Variants in ZNF791 observed in about 807,000 individuals in gnomAD.
ZNF791 encodes the protein zinc finger protein 791.
In ZNF791, 4 loss-of-function variants were observed where a neutral mutation model predicts 11.5. The ratio of observed to expected loss-of-function variants is 0.35; its 90% CI spans 0.17 to 0.80. ZNF791 has a LOEUF of 0.80. ZNF791 is among the 30% of genes least tolerant of loss of function. The pLI is 0.53. For synonymous variants in ZNF791, 212 were observed against 228.1 expected, an observed-to-expected ratio of 0.93 and a Z score of 0.64; for missense variants, 559 against 699.4, an observed-to-expected ratio of 0.80 and a Z score of 2.26.
At chr19:12,623,261 C>T (rs1208212280) in intron 1 of ZNF791, 1 of 159,166 alleles carries the variant, frequency 6.3e-6, no homozygotes, top group Non-Finnish European at 1.4e-5. Context: ...AAATACTTAC[C>T]TAGGTGTAGT....
At chr19:12,613,729 A>T (rs1044607722) in intron 1 of ZNF791, among the ~76,000 whole-genome samples, 1 of 152,158 alleles carries the variant, frequency 6.6e-6, no homozygotes, top group Admixed American at 6.6e-5. Flanking sequence ...TGAAGGCCCA[A>T]TTGGTTCTTC....
rs747648376 is a variant in ZNF791 at position 12,628,472 on chromosome 19, A to C, written c.943A>C (p.Ile315Leu). The change falls in exon 4 of 4, where the codon ATT (isoleucine) becomes CTT (leucine). Residue 315 changes from isoleucine (I) to leucine (L), a missense_variant. Coordinates refer to ENST00000343325, the MANE Select transcript of ZNF791 (RefSeq NM_153358.3). ...CGKAFRCSTS[I>L]QIHERIHTGE... Reference sequence around the variant, plus strand: ...TAAAGCCTTCAGATGTTCCACCTCCATTCAAATTCATGAAAGAATTCATAC... The same window carrying C: ...TAAAGCCTTCAGATGTTCCACCTCCCTTCAAATTCATGAAAGAATTCATAC... 1 of 1,611,960 alleles carries C rather than the reference A, an allele frequency of 6.2e-7. No individual in the cohort carries two copies. Among genetic ancestry groups the C allele is most frequent in the South Asian group, 1.1e-5 (1 of 90,688 alleles).
intron 1 of ZNF791, among the ~76,000 whole-genome samples, chr19:12,612,070 G>A (rs1054643899): frequency 1.3e-5 from 2 of 152,086 alleles, no homozygotes; most frequent in Non-Finnish European, 2.9e-5. Context: ...ATGTTTCTCA[G>A]GTCTGTTCTT....
In ZNF791 at chr19:12,629,312, T is replaced by G; in HGVS notation, c.*52T>G. 3 of 1,368,832 alleles carry G rather than the reference T, an allele frequency of 2.2e-6. No homozygotes were observed. The highest frequency in any genetic ancestry group is 1.9e-6 in the Non-Finnish European group (2 of 1,036,186). The allele number at this position is 1,368,832 out of a possible 1,614,324, so 84.8% of individuals were successfully genotyped here. ...GAAAGTTTTCAATTCTAACAGATGCTTTCAAAGTTGTGAAAATTCCCACTG... is the reference window on the plus strand; with the variant it reads ...GAAAGTTTTCAATTCTAACAGATGCGTTCAAAGTTGTGAAAATTCCCACTG... On this transcript the variant is annotated 3_prime_UTR_variant, in exon 4 of 4. Transcript: ENST00000343325.
At position 12,619,480 on chromosome 19, in the gene ZNF791, CGATT is replaced by C. The variant is rs1295010868; in HGVS notation, c.4-4219_4-4216del. ...TTTTTTTTTTTTTGAGACGGAGTCT[CGATT>C]TGTCTCCCAGGCTGGAGTGCAGTGG... is the stretch of plus-strand genomic sequence containing the variant. On this transcript the variant is annotated intron_variant, in intron 1 of 3. Transcript: ENST00000343325. Among the ~76,000 whole-genome samples the C allele has an allele frequency of 4.2e-3, 501 of 118,642 alleles. 4 individuals are homozygous for C. Among genetic ancestry groups the C allele is most frequent in the Non-Finnish European group, 7.0e-3 (422 of 60,368 alleles). 77.8% of individuals were successfully genotyped at this position (118,642 alleles called of 152,430 possible). A position where few individuals can be genotyped will look rare whatever the true frequency, so the allele number is the denominator to read the frequency against.
At chr19:12,620,754 CTTTTTTTTTTTTTT>C (rs1051381342) in intron 1 of ZNF791, among the ~76,000 whole-genome samples, 1 of 83,446 alleles carries the variant, frequency 1.2e-5, no homozygotes. Flanking sequence ...GATTTATGTT[CTTTTTTTTTTTTTT>C]TTTTTTTTTT....
intron 1 of ZNF791, among the ~76,000 whole-genome samples, chr19:12,615,617 A>T (rs968075150): frequency 6.6e-6 from 1 of 152,034 alleles, no homozygotes; most frequent in African/African-American, 2.4e-5. Flanking sequence ...CGTCTCTACT[A>T]AAAATACAAA....
At position 12,628,627 on chromosome 19, in the gene ZNF791, T is replaced by C; in HGVS notation, c.1098T>C (p.Ser366=). 1 of 1,605,758 alleles carries C rather than the reference T, an allele frequency of 6.2e-7. No individual in the cohort carries two copies. Among genetic ancestry groups the C allele is most frequent in the Non-Finnish European group, 8.5e-7 (1 of 1,176,566 alleles). ...GTAAAGAATGTGGGAAAGCCTTTAG[T>C]AGAATCAGTTACTTTCGAATACATG... ...YKCKECGKAF[S]RISYFRIHER... The change falls in exon 4 of 4, where the codon AGT becomes AGC. Residue 366 remains serine, a synonymous_variant. Coordinates refer to ENST00000343325, the MANE Select transcript of ZNF791 (RefSeq NM_153358.3).
At position 12,628,920 on chromosome 19, in the gene ZNF791, G is replaced by T. The variant is rs1048349878; in HGVS notation, c.1391G>T (p.Gly464Val). The T allele has an allele frequency of 1.2e-6, 2 of 1,613,920 alleles. No homozygotes were observed. Among genetic ancestry groups the T allele is most frequent in the African/African-American group, 2.7e-5 (2 of 75,048 alleles). The change falls in exon 4 of 4, where the codon GGA becomes GTA. Residue 464 changes from glycine to valine, a missense_variant. Transcript: ENST00000343325. ...CGAACACATGAAAGAACTCACACTG[G>T]AGAGAAACCCTATGAATGTAAACAA... is the stretch of plus-strand genomic sequence containing the variant. ...ALRTHERTHT[G>V]EKPYECKQCG...
rs552651498 is a variant in ZNF791 at position 12,621,496 on chromosome 19, A to G, written c.4-2204A>G. ...GTAATGCCAACACATAGGGATATAT[A>G]TATATCGGAAACAAGTTGAAATTAA... On this transcript the variant is annotated intron_variant, in intron 1 of 3. Transcript: ENST00000343325. Among the ~76,000 whole-genome samples the G allele has an allele frequency of 2.0e-5, 3 of 151,272 alleles. No individual in the cohort carries two copies. In the South Asian group the frequency reaches 6.3e-4, roughly 32 times the overall value.
chr19:12,619,123 G>A (rs571401972), intron 1 of ZNF791, among the ~76,000 whole-genome samples: 53 of 152,200 alleles, frequency 3.5e-4, no homozygotes, highest in African/African-American at 1.3e-3. Context: ...GGGATTACAG[G>A]CGTGAGCCAC....
At chr19:12,622,767 G>A (rs930011143) in intron 1 of ZNF791, among the ~76,000 whole-genome samples, 4 of 151,862 alleles carry the variant, frequency 2.6e-5, no homozygotes, top group Non-Finnish European at 4.4e-5. Context: ...GGTGGCACGC[G>A]CCTATAATCC....
At position 12,628,084 on chromosome 19, in the gene ZNF791, A is replaced by T; in HGVS notation, c.555A>T (p.Glu185Asp). 3 of 1,613,976 alleles carry T rather than the reference A, an allele frequency of 1.9e-6. No individual in the cohort carries two copies. The highest frequency in any genetic ancestry group is 1.3e-5 in the African/African-American group (1 of 75,042). The change falls in exon 4 of 4, where the codon GAA (glutamate) becomes GAT (aspartate). Residue 185 changes from glutamate to aspartate, a missense_variant. Transcript: ENST00000343325. Reference sequence around the variant, plus strand: ...GACATGAGCGGACTCACATTGGAGAAAAACCCTATGAATGTAAGCAATGTG... The same window carrying T: ...GACATGAGCGGACTCACATTGGAGATAAACCCTATGAATGTAAGCAATGTG... ...FQRHERTHIG[E>D]KPYECKQCGK...
chr19:12,627,456 G>A (rs187164020), intron 3 of ZNF791, among the ~76,000 whole-genome samples: 84 of 151,682 alleles, frequency 5.5e-4, no homozygotes, highest in African/African-American at 1.8e-3. Context: ...GTGAAACCAC[G>A]GCTTTACTAA....
At chr19:12,613,681 A>G (rs1318733582) in intron 1 of ZNF791, among the ~76,000 whole-genome samples, 4 of 152,120 alleles carry the variant, frequency 2.6e-5, no homozygotes, top group Non-Finnish European at 5.9e-5. Context: ...AAGTGATTCC[A>G]AGCTAAGTCC....
intron 3 of ZNF791, among the ~76,000 whole-genome samples, chr19:12,625,708 C>A (rs1036187105): frequency 4.7e-5 from 7 of 148,614 alleles, no homozygotes; most frequent in African/African-American, 1.7e-4. Context: ...TCACTTGAAC[C>A]TGGGAGGCAG....
intron 1 of ZNF791, among the ~76,000 whole-genome samples, chr19:12,622,355 A>C (rs1452245706): frequency 6.9e-6 from 1 of 145,386 alleles, no homozygotes; most frequent in Non-Finnish European, 1.5e-5. Flanking sequence ...TCAATAAAAA[A>C]ATAAATTAAA....
At chr19:12,612,104 T>C (rs1236173468) in intron 1 of ZNF791, 8 of 702,608 alleles carry the variant, frequency 1.1e-5, no homozygotes, top group Non-Finnish European at 1.2e-5. Flanking sequence ...TCAGATGGTA[T>C]TCCAGGACTT....
chr19:12,626,929 A>T (rs968015556), intron 3 of ZNF791, among the ~76,000 whole-genome samples: 4 of 152,088 alleles, frequency 2.6e-5, no homozygotes, highest in African/African-American at 9.7e-5. Context: ...AAAGCCTCAC[A>T]TATAATTTCC....
Sources: gnomAD v4.1 joint callset for allele counts (sites outside exome capture counted in the v4.1 genomes callset) on GRCh38, gnomAD v4.1.1 for gene constraint, MANE v1.5 for transcripts, NCBI Gene and HGNC (gene_info 2026-07-23, HGNC 2026-07-21) for gene names.